Variants in MYO10 observed in about 807,000 individuals in gnomAD.
MYO10 encodes unconventional myosin-X.
In MYO10, 133 loss-of-function variants were observed where a neutral mutation model predicts 257.3. The observed-to-expected ratio is 0.52, with a 90% CI of 0.45 to 0.60. MYO10 has a LOEUF of 0.60. MYO10 is among the 20% of genes least tolerant of loss of function. The pLI, the probability that MYO10 is intolerant of heterozygous loss-of-function variation, is 0.00. For synonymous variants in MYO10, 1,104 were observed against 1,028.6 expected (o/e 1.07, Z -1.40); for missense variants, 2,399 against 2,635.7 (o/e 0.91, Z 1.97).
chr5:16,842,956 C>T (rs1743528124), intron 2 of MYO10, among the ~76,000 whole-genome samples: 1 of 149,454 alleles, frequency 6.7e-6, no homozygotes, highest in Admixed American at 6.7e-5. Context: ...CTTTGAAATA[C>T]AGGCTGCTGC....
chr5:16,911,661 A>G (rs1745659628), intron 1 of MYO10, among the ~76,000 whole-genome samples: 1 of 151,808 alleles, frequency 6.6e-6, no homozygotes, highest in Non-Finnish European at 1.5e-5. Flanking sequence ...GAACCTGGGA[A>G]ATCAAGGTTG....
intron 2 of MYO10, among the ~76,000 whole-genome samples, chr5:16,824,762 G>GCCCC (rs1404165048): frequency 1.3e-5 from 2 of 152,104 alleles, no homozygotes; most frequent in African/African-American, 2.4e-5. Flanking sequence ...AGCTACTCAG[G>GCCCC]AGGCTGAGGC....
At chr5:16,854,772 C>T (rs946785051) in intron 2 of MYO10, among the ~76,000 whole-genome samples, 2 of 152,194 alleles carry the variant, frequency 1.3e-5, no homozygotes, top group African/African-American at 2.4e-5. Flanking sequence ...TGGCTCACAT[C>T]TGTAATCCCA....
chr5:16,758,958 T>G (rs1050328646), intron 17 of MYO10, among the ~76,000 whole-genome samples: 3 of 152,138 alleles, frequency 2.0e-5, no homozygotes, highest in Admixed American at 6.6e-5. Flanking sequence ...GTTTCGCTCT[T>G]TCACCCAGGC....
intron 33 of MYO10, among the ~76,000 whole-genome samples, chr5:16,678,052 T>C (rs1358581685): frequency 6.6e-6 from 1 of 152,048 alleles, no homozygotes; most frequent in African/African-American, 2.4e-5. Flanking sequence ...TGAGCCACCA[T>C]GCCCAGCTGA....
intron 1 of MYO10, among the ~76,000 whole-genome samples, chr5:16,904,872 T>C (rs905571813): frequency 1.3e-5 from 2 of 150,086 alleles, no homozygotes; most frequent in Non-Finnish European, 3.0e-5. Context: ...GAGCTTGCAG[T>C]GAGCCGAGAT....
chr5:16,885,871 G>A (rs1744883610), intron 1 of MYO10, among the ~76,000 whole-genome samples: 1 of 152,162 alleles, frequency 6.6e-6, no homozygotes, highest in South Asian at 2.1e-4. Context: ...GCCACCCTCA[G>A]CAGGGGACCT....
intron 2 of MYO10, among the ~76,000 whole-genome samples, chr5:16,861,600 T>A (rs987033921): frequency 1.3e-5 from 2 of 151,926 alleles, no homozygotes; most frequent in Non-Finnish European, 2.9e-5. Context: ...TATTGCAAAG[T>A]AGGGGTAAGT....
chr5:16,795,649 A>G (rs1378351508), intron 3 of MYO10, among the ~76,000 whole-genome samples: 2 of 152,092 alleles, frequency 1.3e-5, no homozygotes, highest in African/African-American at 4.8e-5. Flanking sequence ...GAACATTGTG[A>G]ATGTCCTTAT....
At chr5:16,770,449 A>G (rs1012853029) in intron 9 of MYO10, among the ~76,000 whole-genome samples, 1 of 152,188 alleles carries the variant, frequency 6.6e-6, no homozygotes, top group Non-Finnish European at 1.5e-5. Flanking sequence ...ATCTGTTACC[A>G]ACAGTATCTA....
chr5:16,821,385 TAACCTGTA>T (rs1027793481), intron 2 of MYO10, among the ~76,000 whole-genome samples: 1 of 147,926 alleles, frequency 6.8e-6, no homozygotes, highest in Non-Finnish European at 1.5e-5. Flanking sequence ...AATAGGGCTA[TAACCTGTA>T]AACTAGAGTT....
chr5:16,828,226 T>C (rs1204457043), intron 2 of MYO10, among the ~76,000 whole-genome samples: 1 of 152,136 alleles, frequency 6.6e-6, no homozygotes, highest in Non-Finnish European at 1.5e-5. Context: ...CCCTCCACTT[T>C]GCTTGAGTTG....
At chr5:16,733,756 C>T (rs1278772603) in intron 19 of MYO10, among the ~76,000 whole-genome samples, 5 of 152,104 alleles carry the variant, frequency 3.3e-5, no homozygotes, top group Non-Finnish European at 7.4e-5. Flanking sequence ...TGCTAGGAAA[C>T]GGGAGGTCAG....
At chr5:16,684,792 G>GT (rs1222029881) in intron 29 of MYO10, among the ~76,000 whole-genome samples, 5 of 152,172 alleles carry the variant, frequency 3.3e-5, no homozygotes, top group African/African-American at 1.2e-4. Flanking sequence ...GTTCACGCCT[G>GT]TATCACCACT....
At chr5:16,848,240 C>T (rs1233650487) in intron 2 of MYO10, among the ~76,000 whole-genome samples, 1 of 147,622 alleles carries the variant, frequency 6.8e-6, no homozygotes, top group East Asian at 2.0e-4. Flanking sequence ...CTCACTGCAA[C>T]CTCCACCTCC....
intron 9 of MYO10, among the ~76,000 whole-genome samples, chr5:16,778,926 G>A (rs1296566808): frequency 3.9e-5 from 6 of 151,988 alleles, no homozygotes; most frequent in Admixed American, 2.0e-4. Flanking sequence ...TCCTGACCTC[G>A]TGATCTGCCC....
At chr5:16,757,311 C>CACACAA (rs1183289725) in intron 18 of MYO10, among the ~76,000 whole-genome samples, 45 of 76,670 alleles carry the variant, frequency 5.9e-4, no homozygotes, top group African/African-American at 1.6e-3. Context: ...AACACACACA[C>CACACAA]ACACGCACAC....
intron 21 of MYO10, among the ~76,000 whole-genome samples, chr5:16,710,161 G>C (rs1358900209): frequency 6.6e-6 from 1 of 152,080 alleles, no homozygotes; most frequent in African/African-American, 2.4e-5. Flanking sequence ...CACTCTTCGA[G>C]GACACATGTG....
intron 2 of MYO10, among the ~76,000 whole-genome samples, chr5:16,859,272 C>CT (rs1298879307): frequency 3.3e-5 from 5 of 152,174 alleles, no homozygotes; most frequent in Non-Finnish European, 7.4e-5. Flanking sequence ...GTGAGTGTTG[C>CT]TTTCTGGTTC....
Sources: gnomAD v4.1 joint callset for allele counts (sites outside exome capture counted in the v4.1 genomes callset) on GRCh38, gnomAD v4.1.1 for gene constraint, MANE v1.5 for transcripts, NCBI Gene and HGNC (gene_info 2026-07-23, HGNC 2026-07-21) for gene names.